GRID2: variants seen among roughly 807,000 people sequenced by gnomAD.
GRID2 encodes the protein glutamate receptor ionotropic, delta-2.
In GRID2, 33 loss-of-function variants were observed where a neutral mutation model predicts 114.8. That is an observed-to-expected ratio of 0.29 (90% confidence interval 0.22 to 0.38). The LOEUF (loss-of-function observed/expected upper bound fraction) is 0.38, where lower values mean the gene tolerates loss of function less well. Ranked by LOEUF, GRID2 falls within the 10% of genes least tolerant of loss-of-function variation. The pLI is 1.00. For synonymous variants in GRID2, 505 were observed against 449.9 expected (o/e 1.12, Z -1.55); for missense variants, 1,184 against 1,257.7 (o/e 0.94, Z 0.89).
chr4:92,877,334 A>G (rs1745703610), intron 2 of GRID2, among the ~76,000 whole-genome samples: 1 of 152,228 alleles, frequency 6.6e-6, no homozygotes, highest in Non-Finnish European at 1.5e-5. Flanking sequence ...AGCCAGGAGC[A>G]AAATATTCCT....
intron 10 of GRID2, among the ~76,000 whole-genome samples, chr4:93,423,336 C>CTTTTTTTTTTTTTTTTTT (rs554663844): frequency 2.7e-5 from 2 of 73,570 alleles, no homozygotes; most frequent in South Asian, 6.8e-4. Context: ...TTTTTTCTTT[C>CTTTTTTTTTTTTTTTTTT]TTTTTTTTTT....
At chr4:93,395,870 C>T (rs923267292) in intron 9 of GRID2, among the ~76,000 whole-genome samples, 162 bp downstream of exon 9, 1 of 151,922 alleles carries the variant, frequency 6.6e-6, no homozygotes, top group Non-Finnish European at 1.5e-5. Flanking sequence ...CTTCAATTTA[C>T]GTGGATCAGG....
chr4:93,722,757 T>G (rs1396468481), intron 14 of GRID2, among the ~76,000 whole-genome samples: 2 of 152,208 alleles, frequency 1.3e-5, no homozygotes, highest in African/African-American at 4.8e-5. Flanking sequence ...CATCTCTGCC[T>G]CATATTTTAT....
At chr4:93,477,492 G>A (rs757603105) in intron 11 of GRID2, among the ~76,000 whole-genome samples, 17 of 151,972 alleles carry the variant, frequency 1.1e-4, no homozygotes, top group Admixed American at 8.5e-4. Context: ...CAAGCCTTTC[G>A]ACCAAAACAT....
chr4:93,307,634 T>G (rs1477584760), intron 8 of GRID2, among the ~76,000 whole-genome samples: 1 of 152,172 alleles, frequency 6.6e-6, no homozygotes, highest in African/African-American at 2.4e-5. Flanking sequence ...TTGCAAATAA[T>G]AATTTTAATT....
At chr4:93,215,566 T>A (rs1166847144) in intron 5 of GRID2, among the ~76,000 whole-genome samples, 1 of 152,022 alleles carries the variant, frequency 6.6e-6, no homozygotes, top group Non-Finnish European at 1.5e-5. Context: ...AAAAACCATT[T>A]TTATGGAACA....
rs1008503979 is a variant in GRID2 at position 93,239,757 on chromosome 4, C to A, written c.1245+1267C>A. 3.3e-5 allele frequency among the ~76,000 whole-genome samples: 5 copies of A among 151,596 alleles called. No homozygotes were observed. The East Asian group carries it at 7.7e-4, about 23-fold the overall frequency. ...CCTCCCATATGCTTCTCTCTGATTACCGTCAGACCATCCTTGTCAATAGTG... is the reference window on the plus strand; with the variant it reads ...CCTCCCATATGCTTCTCTCTGATTAACGTCAGACCATCCTTGTCAATAGTG... On this transcript the variant is annotated intron_variant, in intron 8 of 15. Coordinates refer to ENST00000282020, the MANE Select transcript of GRID2 (RefSeq NM_001510.4).
intron 8 of GRID2, among the ~76,000 whole-genome samples, chr4:93,350,842 A>G (rs963795211): frequency 6.6e-6 from 1 of 152,068 alleles, no homozygotes; most frequent in Non-Finnish European, 1.5e-5. Context: ...GTCTGTTCTC[A>G]TGCTGCTAAT....
At chr4:93,560,222 TAAAAAA>T (rs70942974) in intron 13 of GRID2, among the ~76,000 whole-genome samples, 28 of 42,950 alleles carry the variant, frequency 6.5e-4, no homozygotes, top group South Asian at 1.4e-3. Context: ...GAACTTAAAG[TAAAAAA>T]AAAAAAAAAA....
intron 2 of GRID2, among the ~76,000 whole-genome samples, chr4:92,787,802 G>T (rs900970850): frequency 2.6e-5 from 4 of 151,832 alleles, no homozygotes; most frequent in Non-Finnish European, 5.9e-5. Context: ...CCTGATAAGA[G>T]ATGGTGCTGC....
At chr4:92,946,758 C>T (rs1016710361) in intron 2 of GRID2, among the ~76,000 whole-genome samples, 14 of 152,066 alleles carry the variant, frequency 9.2e-5, no homozygotes, top group African/African-American at 3.4e-4. Context: ...AATGCAGCAT[C>T]GTTCAAAGTC....
intron 2 of GRID2, among the ~76,000 whole-genome samples, chr4:92,646,772 C>T (rs1731654224): frequency 6.6e-6 from 1 of 152,204 alleles, no homozygotes. Context: ...AAATTGCACC[C>T]ATTTTGTGAA....
At chr4:92,708,160 C>G (rs1353359791) in intron 2 of GRID2, among the ~76,000 whole-genome samples, 1 of 152,068 alleles carries the variant, frequency 6.6e-6, no homozygotes, top group Non-Finnish European at 1.5e-5. Flanking sequence ...CACTGGACTT[C>G]CCACAGTTTA....
In GRID2 at chr4:93,643,900, C is replaced by A. The variant is rs1374837189; in HGVS notation, c.2360+17465C>A. ...AGCAAGCCTGGGCAATGGCGGGCGC[C>A]CCTCCCCCAGCCTAGTTGCCGCCTT... On this transcript the variant is annotated intron_variant, in intron 14 of 15. Coordinates refer to ENST00000282020, the MANE Select transcript of GRID2 (RefSeq NM_001510.4). Among the ~76,000 whole-genome samples, 11 of 101,580 alleles carry A rather than the reference C, an allele frequency of 1.1e-4. 1 individual carries two copies. In the East Asian group the frequency reaches 1.5e-3, roughly 14 times the overall value. 66.6% of individuals were successfully genotyped at this position (101,580 alleles called of 152,430 possible).
At chr4:92,541,928 T>C in intron 1 of GRID2, among the ~76,000 whole-genome samples, 1 of 152,258 alleles carries the variant, frequency 6.6e-6, no homozygotes, top group East Asian at 1.9e-4. Flanking sequence ...ATTTCTAAAA[T>C]ATATTTTTCC....
chr4:93,495,654 G>A (rs1727460625), intron 12 of GRID2, among the ~76,000 whole-genome samples: 1 of 151,704 alleles, frequency 6.6e-6, no homozygotes, highest in Non-Finnish European at 1.5e-5. Context: ...TGCATGGGAG[G>A]CCGTTAAAGG....
chr4:92,627,992 C>G (rs992544015), intron 2 of GRID2, among the ~76,000 whole-genome samples: 7 of 152,018 alleles, frequency 4.6e-5, no homozygotes, highest in Non-Finnish European at 8.8e-5. Flanking sequence ...TATAGTATTT[C>G]CACCATACTA....
intron 2 of GRID2, among the ~76,000 whole-genome samples, chr4:92,760,477 C>T (rs1737953205): frequency 6.6e-6 from 1 of 152,060 alleles, no homozygotes; most frequent in Non-Finnish European, 1.5e-5. Flanking sequence ...AGTATGAAGG[C>T]ACAATGCCCT....
At chr4:93,137,517 T>C (rs766809387) in intron 4 of GRID2, among the ~76,000 whole-genome samples, 12 of 152,094 alleles carry the variant, frequency 7.9e-5, no homozygotes, top group Non-Finnish European at 1.8e-4. Flanking sequence ...TGACAAGCAA[T>C]GTCATATCTA....
Sources: gnomAD v4.1 joint callset for allele counts (sites outside exome capture counted in the v4.1 genomes callset) on GRCh38, gnomAD v4.1.1 for gene constraint, MANE v1.5 for transcripts, NCBI Gene and HGNC (gene_info 2026-07-23, HGNC 2026-07-21) for gene names.